Variants in SMIM14 observed in about 807,000 individuals in gnomAD.
SMIM14 encodes chromosome 4 open reading frame 34.
A neutral mutation model predicts 12.6 loss-of-function variants in SMIM14; 5 were observed. The observed-to-expected ratio is 0.40, with a 90% CI of 0.21 to 0.83. The LOEUF is 0.83. Among genes scored for constraint, SMIM14 ranks in the 40% least tolerant of loss-of-function variants. SMIM14 has a pLI of 0.37. For missense variants in SMIM14, 86 were observed against 119.1 expected (o/e 0.72, Z 1.29); for synonymous variants, 30 against 40.1 (o/e 0.75, Z 0.95).
chr4:39,566,418 C>T (rs1712576475), intron 3 of SMIM14, among the ~76,000 whole-genome samples: 1 of 152,050 alleles, frequency 6.6e-6, no homozygotes, highest in Non-Finnish European at 1.5e-5. Flanking sequence ...CAGATGAGAT[C>T]ACCAAGTGAG....
At chr4:39,598,967 T>G (rs974654265) in intron 2 of SMIM14, among the ~76,000 whole-genome samples, 1 of 152,102 alleles carries the variant, frequency 6.6e-6, no homozygotes, top group African/African-American at 2.4e-5. Context: ...ATGTGCTAGA[T>G]CTGCTTTCTA....
rs1014986145 is a variant in SMIM14, at chr4:39,563,881, C to T, written c.125-7311G>A. ...CTTTTTCTTTTTTCTTTCTCCTCTT[C>T]CTCCTCCTCCTCTTCTTCTTCCCCT... On this transcript the variant is annotated intron_variant, in intron 3 of 4. Coordinates refer to ENST00000295958, the MANE Select transcript of SMIM14 (RefSeq NM_174921.3). Among the ~76,000 whole-genome samples the T allele has an allele frequency of 2.1e-4, 32 of 152,166 alleles. 1 individual carries two copies. The highest frequency in any genetic ancestry group is 1.2e-3 in the Admixed American group (18 of 15,258).
chr4:39,570,181 TAG>T (rs1712812798), intron 3 of SMIM14, among the ~76,000 whole-genome samples: 1 of 152,000 alleles, frequency 6.6e-6, no homozygotes, highest in Non-Finnish European at 1.5e-5. Context: ...TTCTTTGTTT[TAG>T]AGAGTCTCGC....
At chr4:39,565,958 C>T (rs1712551467) in intron 3 of SMIM14, among the ~76,000 whole-genome samples, 1 of 151,930 alleles carries the variant, frequency 6.6e-6, no homozygotes, top group African/African-American at 2.4e-5. Flanking sequence ...ATGCCTTTCA[C>T]CTTCCGCCAT....
Position 39,605,179 on chromosome 4 carries a change from A to C in SMIM14, c.-34T>G. 1 of 1,565,498 alleles carries C rather than the reference A, an allele frequency of 6.4e-7. No homozygotes were observed. The highest frequency in any genetic ancestry group is 1.2e-5 in the South Asian group (1 of 86,452). On this transcript the variant is annotated splice_region_variant and 5_prime_UTR_variant, in exon 2 of 5. Transcript: ENST00000295958. ...AGCTTGATTTTACTTGACTGTTTAA[A>C]TCTAGGAGGAAGGAAAAAATACTGT...
At chr4:39,552,593 T>C (rs1328905152) in intron 4 of SMIM14, among the ~76,000 whole-genome samples, 1 of 152,220 alleles carries the variant, frequency 6.6e-6, no homozygotes, top group Non-Finnish European at 1.5e-5. Flanking sequence ...ATACTGAATG[T>C]CTACGAGGAT....
Position 39,578,992 on chromosome 4 carries a change from C to CAA in SMIM14, c.76-6531_76-6530dup, listed in dbSNP as rs201636070. Among the ~76,000 whole-genome samples, 245 of 71,836 alleles carry CAA rather than the reference C, an allele frequency of 3.4e-3. 2 individuals are homozygous for CAA. Among genetic ancestry groups the CAA allele is most frequent in the African/African-American group, 0.011 (185 of 16,484 alleles). The allele number at this position is 71,836 out of a possible 152,430, so 47.1% of individuals were successfully genotyped here. ...AGCCTGGGCAACACAGTGAGACTGT[C>CAA]AAAAAAAAAAAAAAAAGCAGAGACT... is the stretch of plus-strand genomic sequence containing the variant. On this transcript the variant is annotated intron_variant, in intron 2 of 4. Coordinates refer to ENST00000295958, the MANE Select transcript of SMIM14 (RefSeq NM_174921.3).
At chr4:39,587,441 A>T (rs1370099430) in intron 2 of SMIM14, among the ~76,000 whole-genome samples, 3 of 139,848 alleles carry the variant, frequency 2.1e-5, no homozygotes, top group African/African-American at 7.9e-5. Flanking sequence ...AGCTTGCAGG[A>T]GCCAAGATCG....
At chr4:39,626,342 C>T (rs1438811568) in intron 1 of SMIM14, among the ~76,000 whole-genome samples, 2 of 152,136 alleles carry the variant, frequency 1.3e-5, no homozygotes, top group Admixed American at 1.3e-4. Flanking sequence ...CACAACTTCA[C>T]AAGTGGCACT....
chr4:39,597,822 C>T lies in SMIM14; in HGVS notation c.75+7249G>A, dbSNP rs1165832109. On this transcript the variant is annotated intron_variant, in intron 2 of 4. Transcript: ENST00000295958. ...CCTTTTATTTTCTTCAACTACTTTG[C>T]CTGTTTTTCTGCTCACATTAATGAA... is the stretch of plus-strand genomic sequence containing the variant. Among the ~76,000 whole-genome samples, 3 of 152,096 alleles carry T rather than the reference C, an allele frequency of 2.0e-5. No homozygotes were observed. The East Asian group carries it at 5.8e-4, about 29-fold the overall frequency.
chr4:39,603,633 C>T (rs1486658185), intron 2 of SMIM14, among the ~76,000 whole-genome samples: 1 of 152,050 alleles, frequency 6.6e-6, no homozygotes, highest in Non-Finnish European at 1.5e-5. Flanking sequence ...AGCTTATAGA[C>T]TCACTACAAT....
chr4:39,554,772 TTGAAATATG>T (rs1247504192), intron 4 of SMIM14, among the ~76,000 whole-genome samples: 1 of 151,354 alleles, frequency 6.6e-6, no homozygotes, highest in African/African-American at 2.4e-5. Context: ...ACAACATGTT[TTGAAATATG>T]TATACATTTG....
intron 2 of SMIM14, chr4:39,593,873 C>T (rs1233315087): frequency 1.3e-5 from 2 of 152,092 alleles, no homozygotes; most frequent in Non-Finnish European, 2.9e-5. Flanking sequence ...TCAAGGAGAA[C>T]TACAAACCAC....
At chr4:39,573,135 G>T (rs1284857919) in intron 2 of SMIM14, among the ~76,000 whole-genome samples, 1 of 151,292 alleles carries the variant, frequency 6.6e-6, no homozygotes, top group Non-Finnish European at 1.5e-5. Context: ...CGCTCTTGTT[G>T]CCCAGGCTGG....
intron 2 of SMIM14, among the ~76,000 whole-genome samples, chr4:39,602,151 A>C (rs777552340): frequency 7.3e-5 from 11 of 151,344 alleles, no homozygotes; most frequent in Non-Finnish European, 1.3e-4. Context: ...CAGGAGACTG[A>C]GGCAGGAGGA....
chr4:39,628,037 G>A (rs1379426845), intron 1 of SMIM14, among the ~76,000 whole-genome samples: 1 of 152,188 alleles, frequency 6.6e-6, no homozygotes, highest in Admixed American at 6.5e-5. Context: ...GGCTAGGCGT[G>A]GGGGCTCACG....
At position 39,550,101 on chromosome 4, in the gene SMIM14, A is replaced by G. The variant is rs114604280; in HGVS notation, c.*2025T>C. On this transcript the variant is annotated 3_prime_UTR_variant, in exon 5 of 5. Coordinates refer to ENST00000295958, the MANE Select transcript of SMIM14 (RefSeq NM_174921.3). Reference sequence around the variant, plus strand: ...GTATCAGAGACTATTAAACAGTACAATGATACAGAGAATTTATTCAATTCA... The same window carrying G: ...GTATCAGAGACTATTAAACAGTACAGTGATACAGAGAATTTATTCAATTCA... 2.6e-5 allele frequency: 4 copies of G among 152,344 alleles called. No individual in the cohort carries two copies. Among genetic ancestry groups the G allele is most frequent in the African/African-American group, 9.6e-5 (4 of 41,574 alleles). 9.4% of individuals were successfully genotyped at this position (152,344 alleles called of 1,614,324 possible). A position where few individuals can be genotyped will look rare whatever the true frequency, so the allele number is the denominator to read the frequency against.
chr4:39,594,696 C>T (rs1714278461), intron 2 of SMIM14: 1 of 147,642 alleles, frequency 6.8e-6, no homozygotes, highest in African/African-American at 2.5e-5. Context: ...TGAACTCAAA[C>T]AAATTTACAA....
chr4:39,595,226 C>A (rs1438355526), intron 2 of SMIM14, among the ~76,000 whole-genome samples: 2 of 150,940 alleles, frequency 1.3e-5, no homozygotes, highest in African/African-American at 2.4e-5. Flanking sequence ...ATGCAGCCAT[C>A]AAAAATGATG....
Sources: allele counts gnomAD v4.1 joint callset (sites outside exome capture counted in the v4.1 genomes callset), GRCh38; gene constraint gnomAD v4.1.1; transcripts MANE v1.5; gene names NCBI Gene and HGNC (gene_info 2026-07-23, HGNC 2026-07-21).